Variants in DERA observed in about 807,000 individuals in gnomAD.
DERA encodes deoxyribose-phosphate aldolase, also known as 2-deoxy-D-ribose 5-phosphate aldolase.
DERA carries 15 observed loss-of-function variants against 41.1 expected under a neutral mutation model. The ratio of observed to expected loss-of-function variants is 0.37; its 90% CI spans 0.24 to 0.56. DERA has a LOEUF of 0.56. Ranked by LOEUF, DERA falls within the 20% of genes least tolerant of loss-of-function variation. DERA has a pLI of 0.81. For synonymous variants in DERA, 139 were observed against 137.4 expected (o/e 1.01, Z -0.08); for missense variants, 396 against 403.4 (o/e 0.98, Z 0.16).
In DERA at chr12:15,935,527, T is replaced by G. The variant is rs1158586824; in HGVS notation, c.32-21409T>G. Among the ~76,000 whole-genome samples the G allele has an allele frequency of 6.6e-6, 1 of 152,130 alleles. No homozygotes were observed. Among genetic ancestry groups the G allele is most frequent in the Non-Finnish European group, 1.5e-5 (1 of 68,016 alleles). ...TTCACTATAATTTTTAAAAAGAAAT[T>G]TCATTGAGGTATAATATATGTTCAG... On this transcript the variant is annotated intron_variant, in intron 1 of 8. Transcript: ENST00000428559. This position sits in a 1 kb window ranked among gnomAD's most constrained non-coding sequence, Gnocchi z 4.8.
intron 4 of DERA, among the ~76,000 whole-genome samples, chr12:15,960,658 A>C (rs979198142): frequency 6.6e-6 from 1 of 151,024 alleles, no homozygotes; most frequent in South Asian, 2.1e-4. Context: ...AAAAAAAAAA[A>C]AAAAACAACG....
In DERA at chr12:15,933,273, C is replaced by T. The variant is rs551131249; in HGVS notation, c.31+21859C>T. On this transcript the variant is annotated intron_variant, in intron 1 of 8. Transcript: ENST00000428559. ...CCATTCTTCATAATGGCTATACTAA[C>T]TTACATTTCCAGCCACAGTGAACAT... 2.0e-5 allele frequency among the ~76,000 whole-genome samples: 3 copies of T among 152,282 alleles called. No homozygotes were observed. In the South Asian group the frequency reaches 6.2e-4, roughly 32 times the overall value.
intron 4 of DERA, among the ~76,000 whole-genome samples, chr12:15,960,846 G>A (rs1379071034): frequency 5.3e-5 from 8 of 152,222 alleles, no homozygotes; most frequent in African/African-American, 1.9e-4. Context: ...AGAGGCACTA[G>A]CACGTGTGAA....
chr12:15,961,766 CAG>C (rs1262789802), intron 4 of DERA, among the ~76,000 whole-genome samples: 2 of 152,158 alleles, frequency 1.3e-5, no homozygotes, highest in Non-Finnish European at 2.9e-5. Context: ...TTTTTTGAGA[CAG>C]AGTCTCGCTC....
At chr12:15,953,256 T>G (rs1170652627) in intron 1 of DERA, among the ~76,000 whole-genome samples, 1 of 152,210 alleles carries the variant, frequency 6.6e-6, no homozygotes, top group Non-Finnish European at 1.5e-5. Flanking sequence ...TTTTTATTTT[T>G]GTGTATGAGG....
At position 16,029,589 on chromosome 12, in the gene DERA, G is replaced by C. The variant is rs74782177; in HGVS notation, c.638-2953G>C. ...TGTAGTTTTTTTTTTCTTGGTAGCT[G>C]TGTCCATCCATCTAGAAATTATTTA... On this transcript the variant is annotated intron_variant, in intron 6 of 8. Transcript: ENST00000428559. 2.0e-5 allele frequency among the ~76,000 whole-genome samples: 3 copies of C among 151,910 alleles called. No individual in the cohort carries two copies. The East Asian group carries it at 5.8e-4, about 29-fold the overall frequency.
intron 1 of DERA, among the ~76,000 whole-genome samples, chr12:15,946,889 T>C (rs922384982): frequency 6.6e-6 from 1 of 152,224 alleles, no homozygotes; most frequent in Non-Finnish European, 1.5e-5. Flanking sequence ...CTCTACACAC[T>C]GCTTTAAATG....
At chr12:15,932,828 T>G (rs1948338967) in intron 1 of DERA, among the ~76,000 whole-genome samples, 1 of 152,194 alleles carries the variant, frequency 6.6e-6, no homozygotes, top group African/African-American at 2.4e-5. Context: ...TTTTGTACCC[T>G]TTGACCAACA....
intron 4 of DERA, 56 bp from the exon 5 acceptor site, chr12:15,962,757 T>C (rs1205866079): frequency 6.8e-7 from 1 of 1,460,264 alleles, no homozygotes; most frequent in Non-Finnish European, 9.2e-7. Context: ...CCCCCTTGCT[T>C]ACTTTCTTTC....
At chr12:15,946,577 C>T (rs1948450666) in intron 1 of DERA, among the ~76,000 whole-genome samples, 1 of 151,720 alleles carries the variant, frequency 6.6e-6, no homozygotes, top group African/African-American at 2.4e-5. Context: ...TGGTGATATC[C>T]CCTTTTTTTT....
At position 16,003,683 on chromosome 12, in the gene DERA, C is replaced by T. The variant is rs1236096262; in HGVS notation, c.637+21247C>T. Among the ~76,000 whole-genome samples the T allele has an allele frequency of 7.9e-5, 12 of 152,032 alleles. No homozygotes were observed. The highest frequency in any genetic ancestry group is 7.7e-4 in the East Asian group (4 of 5,184). On this transcript the variant is annotated intron_variant, in intron 6 of 8. Coordinates refer to ENST00000428559, the MANE Select transcript of DERA (RefSeq NM_015954.4). This position sits in a 1 kb window ranked among gnomAD's most constrained non-coding sequence, Gnocchi z 4.8. Reference sequence around the variant, plus strand: ...GGTGAGTTTGCATTTGTTGGGGGAGCGCCAGGAAACAAGAGTGTCAATTTC... The same window carrying T: ...GGTGAGTTTGCATTTGTTGGGGGAGTGCCAGGAAACAAGAGTGTCAATTTC...
rs1565588627 is a variant in DERA at position 15,936,891 on chromosome 12, C to CTTGTCTTGTCT, written c.32-20044_32-20043insTGTCTTGTCTT. On this transcript the variant is annotated intron_variant, in intron 1 of 8. Transcript: ENST00000428559. This position sits in a 1 kb window ranked among gnomAD's most constrained non-coding sequence, Gnocchi z 4.6. ...TTGTCTTGTCTTGTCTTGTCTTGTC[C>CTTGTCTTGTCT]TGTCCTGTCCTGTCCTGTCCTGTCC... is the stretch of plus-strand genomic sequence containing the variant. Among the ~76,000 whole-genome samples the CTTGTCTTGTCT allele has an allele frequency of 4.1e-4, 40 of 97,194 alleles. No homozygotes were observed. Among genetic ancestry groups the CTTGTCTTGTCT allele is most frequent in the African/African-American group, 1.3e-3 (38 of 28,696 alleles). 63.8% of individuals were successfully genotyped at this position (97,194 alleles called of 152,430 possible).
chr12:16,013,743 C>T lies in DERA; in HGVS notation c.638-18799C>T, dbSNP rs1246237112. Among the ~76,000 whole-genome samples the T allele has an allele frequency of 6.6e-6, 1 of 152,168 alleles. No homozygotes were observed. Among genetic ancestry groups the T allele is most frequent in the African/African-American group, 2.4e-5 (1 of 41,440 alleles). On this transcript the variant is annotated intron_variant, in intron 6 of 8. Transcript: ENST00000428559. The surrounding 1 kb of genome is among the most constrained non-coding windows in gnomAD (Gnocchi z 5.8). Reference sequence around the variant, plus strand: ...AGAGGTTGGAACAGTTTGGAGGGCTCAGAAGAAGACAGGAAGATGTGGGAA... The same window carrying T: ...AGAGGTTGGAACAGTTTGGAGGGCTTAGAAGAAGACAGGAAGATGTGGGAA...
rs1160746963 is a variant in DERA at position 16,026,076 on chromosome 12, A to T, written c.638-6466A>T. 6.6e-6 allele frequency among the ~76,000 whole-genome samples: 1 copy of T among 152,156 alleles called. No individual in the cohort carries two copies. Among genetic ancestry groups the T allele is most frequent in the Non-Finnish European group, 1.5e-5 (1 of 67,970 alleles). On this transcript the variant is annotated intron_variant, in intron 6 of 8. Transcript: ENST00000428559. The surrounding 1 kb of genome is among the most constrained non-coding windows in gnomAD (Gnocchi z 4.4). ...CTTAGAAAGAAATGTATGGCATTAG[A>T]TGCATATATTAGAAAAGAATAAAGT...
rs951142261 is a variant in DERA at position 15,957,817 on chromosome 12, A to G, written c.130-371A>G. 6.6e-6 allele frequency among the ~76,000 whole-genome samples: 1 copy of G among 152,198 alleles called. No homozygotes were observed. On this transcript the variant is annotated intron_variant, in intron 2 of 8. Transcript: ENST00000428559. The surrounding 1 kb of genome is among the most constrained non-coding windows in gnomAD (Gnocchi z 4.8). ...CCCAGATCCCAGAGCGGGAGGTAAAATGTAAGGTAGAAACCTTCTTTCGGA... is the reference window on the plus strand; with the variant it reads ...CCCAGATCCCAGAGCGGGAGGTAAAGTGTAAGGTAGAAACCTTCTTTCGGA...
rs769004885 is a variant in DERA, at chr12:16,036,724, A to C, written c.935A>C (p.Tyr312Ser). 7.5e-6 allele frequency: 12 copies of C among 1,600,772 alleles called. No individual in the cohort carries two copies. The highest frequency in any genetic ancestry group is 1.0e-5 in the Non-Finnish European group (12 of 1,175,916). The change falls in exon 9 of 9, where the codon TAT (tyrosine) becomes TCT (serine). Residue 312 changes from tyrosine (Y) to serine (S), a missense_variant. Transcript: ENST00000428559. This position sits in a 1 kb window ranked among gnomAD's most constrained non-coding sequence, Gnocchi z 4.9. Reference protein sequence around the residue: ...YHHVTGRYAAYHDLPMS With the variant: ...YHHVTGRYAASHDLPMS ...CATGTGACTGGAAGATATGCAGCTT[A>C]TCATGATCTTCCAATGTCTTAAATC...
chr12:15,946,726 T>G (rs1021557649), intron 1 of DERA, among the ~76,000 whole-genome samples: 62 of 152,198 alleles, frequency 4.1e-4, no homozygotes, highest in African/African-American at 1.4e-3. Flanking sequence ...TCTATCTCCT[T>G]TAGTTCTGCT....
At position 15,985,936 on chromosome 12, in the gene DERA, C is replaced by T. The variant is rs1948761308; in HGVS notation, c.637+3500C>T. 6.6e-6 allele frequency among the ~76,000 whole-genome samples: 1 copy of T among 152,120 alleles called. No homozygotes were observed. The highest frequency in any genetic ancestry group is 6.5e-5 in the Admixed American group (1 of 15,272). On this transcript the variant is annotated intron_variant, in intron 6 of 8. Coordinates refer to ENST00000428559, the MANE Select transcript of DERA (RefSeq NM_015954.4). The surrounding 1 kb of genome is among the most constrained non-coding windows in gnomAD (Gnocchi z 4.2). ...TTTGGTCTACTGGTTCTGTTTATTA[C>T]TAAGAGAGTGTTAAAGTCTCCAAAC...
Position 16,021,267 on chromosome 12 carries a change from G to A in DERA, c.638-11275G>A, listed in dbSNP as rs1949015386. Reference sequence around the variant, plus strand: ...CTGCCTTGCACAGCCTCAGTATGCTGCCACCAGAATCCTAGAAGCCTCAGC... The same window carrying A: ...CTGCCTTGCACAGCCTCAGTATGCTACCACCAGAATCCTAGAAGCCTCAGC... On this transcript the variant is annotated intron_variant, in intron 6 of 8. Transcript: ENST00000428559. This position sits in a 1 kb window ranked among gnomAD's most constrained non-coding sequence, Gnocchi z 5.3. Among the ~76,000 whole-genome samples the A allele has an allele frequency of 6.6e-6, 1 of 152,220 alleles. No individual in the cohort carries two copies. Among genetic ancestry groups the A allele is most frequent in the Admixed American group, 6.5e-5 (1 of 15,282 alleles).
Sources: gnomAD v4.1 joint callset for allele counts (sites outside exome capture counted in the v4.1 genomes callset) on GRCh38, gnomAD v4.1.1 for gene constraint, Gnocchi (gnomAD v3.1) non-coding constraint, MANE v1.5 for transcripts, NCBI Gene and HGNC (gene_info 2026-07-23, HGNC 2026-07-21) for gene names.